UBE2O: variants seen among roughly 807,000 people sequenced by gnomAD.
UBE2O encodes (E3-independent) E2 ubiquitin-conjugating enzyme.
UBE2O carries 15 observed loss-of-function variants against 125.8 expected under a neutral mutation model. That is an observed-to-expected ratio of 0.12 (90% CI 0.08 to 0.18). UBE2O has a LOEUF of 0.18. Among genes scored for constraint, UBE2O ranks in the 10% least tolerant of loss-of-function variants. The pLI is 1.00. For missense variants in UBE2O, 1,280 were observed against 1,723.6 expected, an observed-to-expected ratio of 0.74 and a Z score of 4.56; for synonymous variants, 708 against 703.2, an observed-to-expected ratio of 1.01 and a Z score of -0.11.
chr17:76,423,682 CACT>C, intron 1 of UBE2O, among the ~76,000 whole-genome samples: 1 of 119,030 alleles, frequency 8.4e-6, no homozygotes, highest in Middle Eastern at 4.3e-3. Flanking sequence ...GACAGAGGGA[CACT>C]CCATCTCAAA....
At chr17:76,423,725 T>TAAATAAATAAATAAAAAAAAAAAA (rs1407680083) in intron 1 of UBE2O, among the ~76,000 whole-genome samples, 1 of 148,836 alleles carries the variant, frequency 6.7e-6, no homozygotes, top group African/African-American at 2.5e-5. Context: ...AATAAATAAA[T>TAAATAAATAAATAAAAAAAAAAAA]AAAAAATAAG....
In UBE2O at chr17:76,398,973, C is replaced by A; in HGVS notation, c.1647G>T (p.Val549=). Residue 549 remains valine (V), a synonymous_variant, in exon 10 of 18, where the codon GTG becomes GTT. Coordinates refer to ENST00000319380, the MANE Select transcript of UBE2O (RefSeq NM_022066.4). This position sits in a 1 kb window ranked among gnomAD's most constrained non-coding sequence, Gnocchi z 5.4. ...TCACGTCGGCTGAGGTCATCGTGGT[C>A]ACCACCTCCACTGCCACCCTGCGGG... ...KPGDRVAVEV[V]TTMTSADVMW... The A allele has an allele frequency of 6.2e-7, 1 of 1,613,902 alleles. No individual in the cohort carries two copies. Among genetic ancestry groups the A allele is most frequent in the South Asian group, 1.1e-5 (1 of 91,040 alleles).
At chr17:76,436,232 A>G (rs963810342) in intron 1 of UBE2O, among the ~76,000 whole-genome samples, 6 of 152,072 alleles carry the variant, frequency 3.9e-5, no homozygotes, top group Admixed American at 3.9e-4. Context: ...GGGCAACAAG[A>G]GCAAACTCCA....
rs2072213928 is a variant in UBE2O at position 76,396,615 on chromosome 17, C to T, written c.2322G>A (p.Val774=). ...EQPVAPEDKG[V]VISEEAATAA... ...CTGTGGCTGCCTCTTCACTGATCAC[C>T]ACTCCCTTGTCCTCAGGGGCCACCG... The change falls in exon 14 of 18, where the codon GTG becomes GTA. Residue 774 remains valine, a synonymous_variant. Transcript: ENST00000319380. The surrounding 1 kb of genome is among the most constrained non-coding windows in gnomAD (Gnocchi z 6.7). 2 of 1,611,948 alleles carry T rather than the reference C, an allele frequency of 1.2e-6. No individual in the cohort carries two copies. The highest frequency in any genetic ancestry group is 1.7e-5 in the Admixed American group (1 of 59,782).
At chr17:76,392,635 T>TTA (rs777202830) in intron 15 of UBE2O, among the ~76,000 whole-genome samples, 128 of 152,170 alleles carry the variant, frequency 8.4e-4, no homozygotes, top group Non-Finnish European at 1.5e-3. Flanking sequence ...TATCAGGTGT[T>TTA]TTTCCTCATA....
intron 1 of UBE2O, among the ~76,000 whole-genome samples, chr17:76,432,663 C>A (rs1031400781): frequency 2.0e-5 from 3 of 152,158 alleles, no homozygotes; most frequent in Admixed American, 2.0e-4. Flanking sequence ...CTGACAGGCA[C>A]CTGCCACAAG....
rs150733080 is a variant in UBE2O at position 76,392,018 on chromosome 17, G to A, written c.3042C>T (p.Ala1014=). 73 of 1,590,702 alleles carry A rather than the reference G, an allele frequency of 4.6e-5. No homozygotes were observed. The African/African-American group carries it at 7.6e-4, about 17-fold the overall frequency. Residue 1014 remains alanine, a synonymous_variant, in exon 16 of 18, where the codon GCC becomes GCT. Transcript: ENST00000319380. ...FDIQLPNIYP[A]VPPHFCYLSQ... is the part of the protein sequence containing the mutation. ...AGAGGTAGCAGAAGTGGGGGGGCACGGCTGGGTAGATGTTGGGGAGCTGGA... is the reference window on the plus strand; with the variant it reads ...AGAGGTAGCAGAAGTGGGGGGGCACAGCTGGGTAGATGTTGGGGAGCTGGA...
intron 1 of UBE2O, among the ~76,000 whole-genome samples, chr17:76,446,215 CAT>C (rs577442288): frequency 2.0e-5 from 3 of 152,230 alleles, no homozygotes; most frequent in South Asian, 2.1e-4. Context: ...TGAAAACCCA[CAT>C]GTCACAGAAA....
At position 76,398,005 on chromosome 17, in the gene UBE2O, C is replaced by G; in HGVS notation, c.2026-117G>C. 3 of 1,182,508 alleles carry G rather than the reference C, an allele frequency of 2.5e-6. No individual in the cohort carries two copies. Among genetic ancestry groups the G allele is most frequent in the Non-Finnish European group, 3.7e-6 (3 of 818,502 alleles). 73.3% of individuals were successfully genotyped at this position (1,182,508 alleles called of 1,614,324 possible). On this transcript the variant is annotated intron_variant, in intron 12 of 17. Transcript: ENST00000319380. This position sits in a 1 kb window ranked among gnomAD's most constrained non-coding sequence, Gnocchi z 5.4. ...ACCTGGCTTGTGACAAGGAACTTAG[C>G]TCCTCTGGTAAATGTAACCAGCGGC...
At chr17:76,424,657 T>G (rs1172028617) in intron 1 of UBE2O, among the ~76,000 whole-genome samples, 1 of 151,976 alleles carries the variant, frequency 6.6e-6, no homozygotes, top group African/African-American at 2.4e-5. Context: ...GGAGGATTGC[T>G]TGAGGCCAGG....
chr17:76,430,464 C>T (rs2072886722), intron 1 of UBE2O: 2 of 252,082 alleles, frequency 7.9e-6, no homozygotes, highest in Middle Eastern at 1.4e-3. Context: ...TCCCTGTTGG[C>T]AGCAGCTCCA....
chr17:76,392,901 G>A (rs1598578251), intron 15 of UBE2O, among the ~76,000 whole-genome samples: 2 of 151,458 alleles, frequency 1.3e-5, no homozygotes, highest in East Asian at 2.0e-4. Flanking sequence ...GCAGTGAGCC[G>A]AGATTGTGCC....
At chr17:76,450,417 A>G (rs1002424529) in intron 1 of UBE2O, among the ~76,000 whole-genome samples, 1 of 152,122 alleles carries the variant, frequency 6.6e-6, no homozygotes, top group East Asian at 1.9e-4. Flanking sequence ...AAATCCTAAA[A>G]GAACTATATC....
At chr17:76,443,760 C>T (rs1346033845) in intron 1 of UBE2O, among the ~76,000 whole-genome samples, 1 of 152,052 alleles carries the variant, frequency 6.6e-6, no homozygotes, top group Admixed American at 6.5e-5. Flanking sequence ...GATGCAGCTA[C>T]AAGCAGGGAG....
intron 1 of UBE2O, among the ~76,000 whole-genome samples, chr17:76,425,407 GT>G (rs915598979): frequency 6.6e-6 from 1 of 151,744 alleles, no homozygotes; most frequent in African/African-American, 2.4e-5. Flanking sequence ...AAAACAGGCA[GT>G]CCCCCATCTT....
Position 76,402,984 on chromosome 17 carries a change from T to C in UBE2O, c.589-285A>G, listed in dbSNP as rs2072354639. Among the ~76,000 whole-genome samples, 1 of 152,082 alleles carries C rather than the reference T, an allele frequency of 6.6e-6. No individual in the cohort carries two copies. On this transcript the variant is annotated intron_variant, in intron 3 of 17. Transcript: ENST00000319380. The surrounding 1 kb of genome is among the most constrained non-coding windows in gnomAD (Gnocchi z 5.4). ...GCAGGGGCAGAGAGGCCTGATGGCATCCATGGACATGGGACATCCATGGAC... is the reference window on the plus strand; with the variant it reads ...GCAGGGGCAGAGAGGCCTGATGGCACCCATGGACATGGGACATCCATGGAC...
intron 1 of UBE2O, among the ~76,000 whole-genome samples, chr17:76,408,881 T>TG (rs2072468863): frequency 6.6e-6 from 1 of 152,144 alleles, no homozygotes; most frequent in Admixed American, 6.5e-5. Flanking sequence ...GGAGGGGATC[T>TG]GGGGTCGGGG....
At position 76,453,151 on chromosome 17, in the gene UBE2O, G is replaced by T; in HGVS notation, c.-10C>A. 1.8e-6 allele frequency: 1 copy of T among 566,660 alleles called. No homozygotes were observed. The highest frequency in any genetic ancestry group is 2.6e-6 in the Non-Finnish European group (1 of 381,160). 35.1% of individuals were successfully genotyped at this position (566,660 alleles called of 1,614,324 possible). ...CTGCGGGATCCGCCATAACTGCTCT[G>T]CGCGAGTCTCGGGCGGCGGCGGCGA... On this transcript the variant is annotated 5_prime_UTR_variant, in exon 1 of 18. Coordinates refer to ENST00000319380, the MANE Select transcript of UBE2O (RefSeq NM_022066.4).
At chr17:76,408,802 C>T (rs557361383) in intron 1 of UBE2O, among the ~76,000 whole-genome samples, 1 of 152,066 alleles carries the variant, frequency 6.6e-6, no homozygotes, top group Non-Finnish European at 1.5e-5. Context: ...CAAAACTAAA[C>T]CTTGGAATAA....
Sources: allele counts gnomAD v4.1 joint callset (sites outside exome capture counted in the v4.1 genomes callset), GRCh38; gene constraint gnomAD v4.1.1; non-coding constraint Gnocchi (gnomAD v3.1); transcripts MANE v1.5; gene names NCBI Gene and HGNC (gene_info 2026-07-23, HGNC 2026-07-21).